Variants in CDC27 observed in about 807,000 individuals in gnomAD.
CDC27 encodes the protein cell division cycle protein 27 homolog.
CDC27 carries 27 observed loss-of-function variants against 109.7 expected under a neutral mutation model. That is an observed-to-expected ratio of 0.25 (90% CI 0.18 to 0.34). The LOEUF is 0.34. Ranked by LOEUF, CDC27 falls within the 10% of genes least tolerant of loss-of-function variation. The pLI is 1.00. For missense variants in CDC27, 579 were observed against 960.2 expected, an observed-to-expected ratio of 0.60 and a Z score of 5.25; for synonymous variants, 266 against 333.9, an observed-to-expected ratio of 0.80 and a Z score of 2.22.
intron 14 of CDC27, among the ~76,000 whole-genome samples, chr17:47,132,908 C>G (rs2062396800): frequency 7.1e-6 from 1 of 139,862 alleles, no homozygotes; most frequent in Non-Finnish European, 1.5e-5. Context: ...TGAGTAGCTG[C>G]AACTACAGGT....
At chr17:47,159,690 C>A in intron 4 of CDC27, 1 of 424,802 alleles carries the variant, frequency 2.4e-6, no homozygotes, top group Non-Finnish European at 4.4e-6. Flanking sequence ...TCCTCGATGG[C>A]AACAAACGCC....
In CDC27 at chr17:47,122,515, T is replaced by C; in HGVS notation, c.2321A>G (p.Gln774Arg). Residue 774 changes from glutamine to arginine, a missense_variant, in exon 18 of 19, where the codon CAG (glutamine) becomes CGG (arginine). Coordinates refer to ENST00000066544, the MANE Select transcript of CDC27 (RefSeq NM_001256.6). ...MDLDPKGANN[Q>R]IKEAIDKRYL... ...ACGCTTATCAATTGCCTCTTTAATC[T>C]GGTTATTGGCTCCTTTAGGATCTAA... 6.2e-7 allele frequency: 1 copy of C among 1,611,680 alleles called. No homozygotes were observed. The highest frequency in any genetic ancestry group is 1.7e-5 in the Admixed American group (1 of 59,906).
intron 5 of CDC27, among the ~76,000 whole-genome samples, chr17:47,157,780 A>C (rs1210589206): frequency 6.6e-6 from 1 of 152,198 alleles, no homozygotes; most frequent in African/African-American, 2.4e-5. Flanking sequence ...TAGATGCAAC[A>C]ATGCTGAAAA....
At position 47,168,251 on chromosome 17, in the gene CDC27, G is replaced by A. The variant is rs533835833; in HGVS notation, c.377+1666C>T. Among the ~76,000 whole-genome samples the A allele has an allele frequency of 3.3e-5, 5 of 152,264 alleles. No homozygotes were observed. The South Asian group carries it at 8.3e-4, about 25-fold the overall frequency. ...TCCTGGGAGGTTGCGGGGTGGGGATGAAAAGTCCCAATCCTCTAATCCTGC... is the reference window on the plus strand; with the variant it reads ...TCCTGGGAGGTTGCGGGGTGGGGATAAAAAGTCCCAATCCTCTAATCCTGC... On this transcript the variant is annotated intron_variant, in intron 4 of 18. Coordinates refer to ENST00000066544, the MANE Select transcript of CDC27 (RefSeq NM_001256.6).
At chr17:47,155,361 T>C (rs1281402233) in intron 7 of CDC27, among the ~76,000 whole-genome samples, 1 of 152,130 alleles carries the variant, frequency 6.6e-6, no homozygotes, top group Non-Finnish European at 1.5e-5. Flanking sequence ...TTCTTGTGCC[T>C]CAACCCCCAA....
At chr17:47,164,718 G>A (rs1396518087) in intron 4 of CDC27, among the ~76,000 whole-genome samples, 1 of 152,136 alleles carries the variant, frequency 6.6e-6, no homozygotes, top group East Asian at 1.9e-4. Context: ...TCCGGAGGCT[G>A]AGGCACGAGA....
intron 12 of CDC27, among the ~76,000 whole-genome samples, chr17:47,139,359 C>T (rs1413656336): frequency 6.6e-6 from 1 of 151,592 alleles, no homozygotes; most frequent in African/African-American, 2.4e-5. Flanking sequence ...CTCCGCCTCC[C>T]GAGTTCACGC....
intron 12 of CDC27, among the ~76,000 whole-genome samples, chr17:47,141,493 T>C (rs74641214): frequency 6.6e-6 from 1 of 152,130 alleles, no homozygotes; most frequent in Non-Finnish European, 1.5e-5. Flanking sequence ...ACATATTCGA[T>C]GTCAAAAATT....
At chr17:47,122,403 G>C (rs765679354) in intron 18 of CDC27, 41 bp downstream of exon 18, 2 of 1,367,418 alleles carry the variant, frequency 1.5e-6, no homozygotes, top group Non-Finnish European at 2.0e-6. Context: ...TATGCAAAAG[G>C]TAACTTTCTA....
At chr17:47,145,200 G>A (rs2062918153) in intron 9 of CDC27, among the ~76,000 whole-genome samples, 1 of 152,146 alleles carries the variant, frequency 6.6e-6, no homozygotes, top group African/African-American at 2.4e-5. Flanking sequence ...ACATTTCCGA[G>A]GACAGTTCTA....
intron 4 of CDC27, chr17:47,159,282 G>T (rs2063417436): frequency 1.7e-6 from 1 of 581,356 alleles, no homozygotes; most frequent in South Asian, 3.0e-5. Context: ...CCGATAGGGA[G>T]ACTTGGTGAA....
At position 47,118,479 on chromosome 17, in the gene CDC27, T is replaced by C. The variant is rs1426396531; in HGVS notation, c.*2456A>G. 1.3e-5 allele frequency: 2 copies of C among 152,704 alleles called. No individual in the cohort carries two copies. Among genetic ancestry groups the C allele is most frequent in the Non-Finnish European group, 2.9e-5 (2 of 68,052 alleles). 9.5% of individuals were successfully genotyped at this position (152,704 alleles called of 1,614,324 possible). The stretch of plus-strand genomic sequence containing the variant: ...ACAACATAACTTCTGAACAAGTGTG[T>C]GCGCGTATATATATATGTATATAGA... On this transcript the variant is annotated 3_prime_UTR_variant, in exon 19 of 19. Coordinates refer to ENST00000066544, the MANE Select transcript of CDC27 (RefSeq NM_001256.6).
intron 8 of CDC27, among the ~76,000 whole-genome samples, chr17:47,153,565 G>A (rs1567677719): frequency 6.6e-6 from 1 of 152,228 alleles, no homozygotes; most frequent in East Asian, 1.9e-4. Flanking sequence ...ACAACTATAA[G>A]AAGAAACATG....
intron 9 of CDC27, among the ~76,000 whole-genome samples, 193 bp from the exon 10 acceptor site, chr17:47,144,175 T>C (rs2062883700): frequency 6.6e-6 from 1 of 152,176 alleles, no homozygotes; most frequent in Non-Finnish European, 1.5e-5. Flanking sequence ...TCGGACTGGC[T>C]TTCCTGCTTC....
At chr17:47,136,824 A>C (rs78046362) in intron 14 of CDC27, among the ~76,000 whole-genome samples, 1 of 152,224 alleles carries the variant, frequency 6.6e-6, no homozygotes, top group Non-Finnish European at 1.5e-5. Context: ...TTTTCATCCC[A>C]ATCACCATTT....
intron 4 of CDC27, among the ~76,000 whole-genome samples, chr17:47,169,181 G>C (rs1037094740): frequency 6.6e-6 from 1 of 151,412 alleles, no homozygotes; most frequent in Non-Finnish European, 1.5e-5. Context: ...TGTAGAGATG[G>C]GGTCTTGGTA....
chr17:47,180,206 C>G (rs11570464), intron 2 of CDC27, among the ~76,000 whole-genome samples: 225 of 152,288 alleles, frequency 1.5e-3, no homozygotes, highest in African/African-American at 5.1e-3. Flanking sequence ...AGATTATTCA[C>G]AATAAACATC....
At chr17:47,138,274 G>A (rs1487850970) in intron 13 of CDC27, among the ~76,000 whole-genome samples, 2 of 152,106 alleles carry the variant, frequency 1.3e-5, no homozygotes, top group Non-Finnish European at 2.9e-5. Context: ...CAAATAATGG[G>A]AGTTGACTGT....
In CDC27 at chr17:47,180,945, T is replaced by TCAA. The variant is rs1555560988; in HGVS notation, c.103+616_103+617insTTG. The stretch of plus-strand genomic sequence containing the variant: ...CACCATAGAATACAGACTCTTTTCT[T>TCAA]AAAAAAAAAAAAAAAAAAAAAAAAT... On this transcript the variant is annotated intron_variant, in intron 2 of 18. Coordinates refer to ENST00000066544, the MANE Select transcript of CDC27 (RefSeq NM_001256.6). Among the ~76,000 whole-genome samples the TCAA allele has an allele frequency of 2.0e-4, 22 of 111,668 alleles. 1 individual carries two copies. Among genetic ancestry groups the TCAA allele is most frequent in the Non-Finnish European group, 2.3e-4 (13 of 55,790 alleles). 73.3% of individuals were successfully genotyped at this position (111,668 alleles called of 152,430 possible). A position where few individuals can be genotyped will look rare whatever the true frequency, so the allele number is the denominator to read the frequency against.
Sources: gnomAD v4.1 joint callset for allele counts (sites outside exome capture counted in the v4.1 genomes callset) on GRCh38, gnomAD v4.1.1 for gene constraint, MANE v1.5 for transcripts, NCBI Gene and HGNC (gene_info 2026-07-23, HGNC 2026-07-21) for gene names.